The following PPP1R1C variants were observed in gnomAD, a reference collection of about 807,000 sequenced individuals.
PPP1R1C encodes the protein protein phosphatase 1 regulatory inhibitor subunit 1C.
PPP1R1C carries 15 observed loss-of-function variants against 17.4 expected under a neutral mutation model. The observed-to-expected ratio is 0.86, with a 90% CI of 0.58 to 1.33. The LOEUF (loss-of-function observed/expected upper bound fraction) is 1.33. Ranked by LOEUF, PPP1R1C falls within the 40% of genes most tolerant of loss-of-function variation. PPP1R1C has a pLI of 0.00. For missense variants in PPP1R1C, 143 were observed against 130.0 expected, an observed-to-expected ratio of 1.10 and a Z score of -0.48; for synonymous variants, 35 against 43.1, an observed-to-expected ratio of 0.81 and a Z score of 0.73.
chr2:182,097,083 G>T (rs1220927094), intron 4 of PPP1R1C, among the ~76,000 whole-genome samples: 2 of 152,150 alleles, frequency 1.3e-5, no homozygotes, highest in African/African-American at 4.8e-5. Context: ...TATTCGATAT[G>T]TCCAGCTAAC....
At chr2:182,054,727 C>T (rs1687629806) in intron 2 of PPP1R1C, among the ~76,000 whole-genome samples, 1 of 152,142 alleles carries the variant, frequency 6.6e-6, no homozygotes. Flanking sequence ...GTGGTATGAT[C>T]TCAGCTCACT....
At chr2:182,119,921 T>G (rs1689690166), downstream of PPP1R1C, among the ~76,000 whole-genome samples, 1 of 152,234 alleles carries the variant, frequency 6.6e-6, no homozygotes, top group South Asian at 2.1e-4. Context: ...TTAGATCCCA[T>G]TTGTCAGTTT....
chr2:181,965,722 GA>G (rs2125132050), intron 1 of PPP1R1C, among the ~76,000 whole-genome samples: 1 of 152,242 alleles, frequency 6.6e-6, no homozygotes, highest in East Asian at 1.9e-4. Flanking sequence ...AGTATAATTT[GA>G]AGTCAGGTAA....
chr2:182,057,078 C>T (rs994305968), intron 2 of PPP1R1C, among the ~76,000 whole-genome samples: 8 of 152,148 alleles, frequency 5.3e-5, no homozygotes, highest in Non-Finnish European at 1.2e-4. Context: ...ATTTGGAATG[C>T]AGAGAAGCAG....
intron 4 of PPP1R1C, among the ~76,000 whole-genome samples, chr2:182,101,484 A>G (rs545378884): frequency 3.1e-4 from 47 of 152,146 alleles, no homozygotes; most frequent in Non-Finnish European, 4.6e-4. Flanking sequence ...GCATCAGGTC[A>G]TGGTTGGGTA....
At chr2:182,039,872 C>T (rs1687129225) in intron 2 of PPP1R1C, among the ~76,000 whole-genome samples, 2 of 152,162 alleles carry the variant, frequency 1.3e-5, no homozygotes, top group African/African-American at 4.8e-5. Flanking sequence ...GTACCCATAG[C>T]TTATCTCCAA....
intron 2 of PPP1R1C, among the ~76,000 whole-genome samples, chr2:182,038,422 C>T (rs1687078246): frequency 6.6e-6 from 1 of 152,132 alleles, no homozygotes; most frequent in African/African-American, 2.4e-5. Context: ...TGGTTTGCTT[C>T]TTCTGTCTCA....
At chr2:182,021,589 G>A (rs1434656473) in intron 2 of PPP1R1C, among the ~76,000 whole-genome samples, 1 of 151,978 alleles carries the variant, frequency 6.6e-6, no homozygotes, top group Non-Finnish European at 1.5e-5. Flanking sequence ...GCCTCCCAAA[G>A]TGCTGAGATT....
intron 2 of PPP1R1C, among the ~76,000 whole-genome samples, chr2:182,056,978 C>T (rs1687702004): frequency 6.6e-6 from 1 of 152,040 alleles, no homozygotes; most frequent in Admixed American, 6.6e-5. Context: ...ATGGATTCTG[C>T]CTTAAAAAGT....
At position 181,957,755 on chromosome 2, in the gene PPP1R1C, CT is replaced by C. The variant is rs1559037317; in HGVS notation, n.111+3125del. ...TTCCTTGCAAGGCTTGTACTTTGGA[CT>C]TTTCTGAACACCACGCCTTACCCCA... On this transcript the variant is annotated intron_variant and non_coding_transcript_variant, in intron 1 of 5. Transcript: ENST00000464264. The surrounding 1 kb of genome is among the most constrained non-coding windows in gnomAD (Gnocchi z 4.2). Among the ~76,000 whole-genome samples the C allele has an allele frequency of 6.6e-6, 1 of 152,200 alleles. No individual in the cohort carries two copies. Among genetic ancestry groups the C allele is most frequent in the Non-Finnish European group, 1.5e-5 (1 of 68,038 alleles).
chr2:182,082,159 T>C (rs998025443), intron 4 of PPP1R1C, among the ~76,000 whole-genome samples: 1 of 152,174 alleles, frequency 6.6e-6, no homozygotes, highest in East Asian at 1.9e-4. Context: ...ACACTTAATC[T>C]TGTGAGCTAG....
chr2:182,041,681 A>G (rs1166866414), intron 2 of PPP1R1C, among the ~76,000 whole-genome samples: 1 of 152,098 alleles, frequency 6.6e-6, no homozygotes, highest in Admixed American at 6.6e-5. Context: ...GAGCTAAGAA[A>G]ATGCAATCAA....
chr2:182,003,315 A>T (rs1685826534), intron 2 of PPP1R1C, among the ~76,000 whole-genome samples: 2 of 152,072 alleles, frequency 1.3e-5, no homozygotes, highest in Non-Finnish European at 2.9e-5. Flanking sequence ...CTGTAAATCT[A>T]CTTTGCTTTA....
At chr2:182,044,739 G>A (rs2125182581) in intron 2 of PPP1R1C, among the ~76,000 whole-genome samples, 1 of 152,268 alleles carries the variant, frequency 6.6e-6, no homozygotes. Flanking sequence ...TTCCTAAAAG[G>A]ATGCATAGCA....
intron 2 of PPP1R1C, 83 bp downstream of exon 2, chr2:181,987,982 G>A (rs1685353405): frequency 8.3e-7 from 1 of 1,199,838 alleles, no homozygotes; most frequent in Non-Finnish European, 1.2e-6. Context: ...GTACTGAAAA[G>A]TTTCAATTTA....
In PPP1R1C at chr2:182,109,484, A is replaced by G. The variant is rs534538863; in HGVS notation, c.242-7723A>G. ...GGAGTATCATAAATGTGTGTTTTAC[A>G]TTGAAGTCTGGATCAATTTGGGTTT... On this transcript the variant is annotated intron_variant, in intron 4 of 4. Coordinates refer to ENST00000682840, the MANE Select transcript of PPP1R1C (RefSeq NM_001080545.3). 3.3e-5 allele frequency among the ~76,000 whole-genome samples: 5 copies of G among 152,338 alleles called. No individual in the cohort carries two copies. The South Asian group carries it at 1.0e-3, about 32-fold the overall frequency.
intron 4 of PPP1R1C, among the ~76,000 whole-genome samples, chr2:182,113,764 C>T (rs1367645653): frequency 6.6e-6 from 1 of 152,072 alleles, no homozygotes; most frequent in African/African-American, 2.4e-5. Flanking sequence ...CTCTTGGAAA[C>T]CTTTACTCTT....
At position 182,055,465 on chromosome 2, in the gene PPP1R1C, C is replaced by T. The variant is rs147238417; in HGVS notation, c.143-5977C>T. ...CTTTTCTTCCTGGTGTTCTAAGACTCCTTTTTTCAATCCTTTTTCTTCTGG... is the reference window on the plus strand; with the variant it reads ...CTTTTCTTCCTGGTGTTCTAAGACTTCTTTTTTCAATCCTTTTTCTTCTGG... On this transcript the variant is annotated intron_variant, in intron 2 of 4. Transcript: ENST00000682840. Among the ~76,000 whole-genome samples the T allele has an allele frequency of 1.9e-3, 291 of 152,234 alleles. 4 individuals carry two copies. The East Asian group carries it at 0.031, about 16-fold the overall frequency.
At chr2:181,994,950 A>G (rs1685572725) in intron 2 of PPP1R1C, among the ~76,000 whole-genome samples, 1 of 152,162 alleles carries the variant, frequency 6.6e-6, no homozygotes, top group Admixed American at 6.5e-5. Context: ...GTTTATTCCA[A>G]CTTACTAGTA....
Sources: allele counts gnomAD v4.1 joint callset (sites outside exome capture counted in the v4.1 genomes callset), GRCh38; gene constraint gnomAD v4.1.1; non-coding constraint Gnocchi (gnomAD v3.1); transcripts MANE v1.5; gene names NCBI Gene and HGNC (gene_info 2026-07-23, HGNC 2026-07-21).